COL8A1: variants seen among roughly 807,000 people sequenced by gnomAD.
COL8A1 encodes collagen alpha-1(VIII) chain.
A neutral mutation model predicts 42.7 loss-of-function variants in COL8A1; 21 were observed. The observed-to-expected ratio is 0.49, with a 90% confidence interval of 0.35 to 0.71. The LOEUF (loss-of-function observed/expected upper bound fraction) is 0.71. Ranked by LOEUF, COL8A1 falls within the 30% of genes least tolerant of loss-of-function variation. The probability of loss-of-function intolerance (pLI) is 0.01; values close to 1 mark genes in which losing one functional copy is unlikely to be tolerated. For missense variants in COL8A1, 788 were observed against 962.4 expected, an observed-to-expected ratio of 0.82 and a Z score of 2.40; for synonymous variants, 367 against 369.1, an observed-to-expected ratio of 0.99 and a Z score of 0.06.
At chr3:99,777,166 T>C (rs543011181) in intron 2 of COL8A1, among the ~76,000 whole-genome samples, 19 of 152,166 alleles carry the variant, frequency 1.2e-4, no homozygotes, top group Non-Finnish European at 2.6e-4. Flanking sequence ...ACTCAGCCCC[T>C]ATTCAAGATG....
At chr3:99,639,742 T>A (rs1937468333) in intron 1 of COL8A1, among the ~76,000 whole-genome samples, 1 of 152,226 alleles carries the variant, frequency 6.6e-6, no homozygotes, top group African/African-American at 2.4e-5. Context: ...TTGTGTGGGA[T>A]GAAACTCTCT....
chr3:99,655,136 T>C (rs1937977309), intron 1 of COL8A1, among the ~76,000 whole-genome samples: 1 of 152,164 alleles, frequency 6.6e-6, no homozygotes, highest in South Asian at 2.1e-4. Flanking sequence ...CCTTTTAGTA[T>C]GGAAGAGAGG....
intron 1 of COL8A1, among the ~76,000 whole-genome samples, chr3:99,703,866 A>T (rs1190515162): frequency 6.6e-6 from 1 of 152,156 alleles, no homozygotes; most frequent in East Asian, 1.9e-4. Flanking sequence ...TAATTATTTA[A>T]AACTTATAAA....
intron 2 of COL8A1, among the ~76,000 whole-genome samples, chr3:99,769,265 C>T (rs1941530797): frequency 6.6e-6 from 1 of 152,230 alleles, no homozygotes; most frequent in Admixed American, 6.5e-5. Context: ...TAATAAATGT[C>T]AGTCCTTATC....
At chr3:99,710,740 G>A (rs557246209) in intron 1 of COL8A1, among the ~76,000 whole-genome samples, 25 of 152,160 alleles carry the variant, frequency 1.6e-4, no homozygotes, top group Non-Finnish European at 2.9e-4. Flanking sequence ...AGATGAGACA[G>A]GGTTAGAGAC....
chr3:99,739,857 C>G (rs891412763), intron 1 of COL8A1, among the ~76,000 whole-genome samples: 1 of 152,232 alleles, frequency 6.6e-6, no homozygotes, highest in Non-Finnish European at 1.5e-5. Flanking sequence ...ATTTCTGCAG[C>G]AGGCTTGAAT....
At chr3:99,723,985 C>T (rs1375580659) in intron 1 of COL8A1, among the ~76,000 whole-genome samples, 1 of 152,116 alleles carries the variant, frequency 6.6e-6, no homozygotes, top group Non-Finnish European at 1.5e-5. Context: ...TCTGTTTACC[C>T]CATTGTGTTT....
chr3:99,753,002 C>A (rs1941183959), intron 2 of COL8A1, among the ~76,000 whole-genome samples: 1 of 152,122 alleles, frequency 6.6e-6, no homozygotes, highest in Non-Finnish European at 1.5e-5. Context: ...TTCCCTGGAC[C>A]TCAGTTTTCC....
intron 1 of COL8A1, among the ~76,000 whole-genome samples, chr3:99,674,624 G>GA (rs1349381072): frequency 3.9e-5 from 6 of 151,952 alleles, no homozygotes; most frequent in Non-Finnish European, 8.8e-5. Context: ...TCACCACCTG[G>GA]AAAAAATGCT....
intron 2 of COL8A1, among the ~76,000 whole-genome samples, chr3:99,746,867 G>C (rs559496526): frequency 5.3e-5 from 8 of 152,274 alleles, no homozygotes; most frequent in African/African-American, 1.7e-4. Context: ...ATTTTTAAAT[G>C]AATTTTGATT....
chr3:99,729,108 C>G (rs373115877), intron 1 of COL8A1, among the ~76,000 whole-genome samples: 12 of 151,998 alleles, frequency 7.9e-5, no homozygotes, highest in African/African-American at 2.7e-4. Context: ...ATATTTCCAT[C>G]TATTTCAAAA....
Position 99,701,809 on chromosome 3 carries a change from G to A in COL8A1, c.-128-43088G>A, listed in dbSNP as rs150591063. ...TATTAATATTTCTTAATTGGAGACA[G>A]GGCCAGGACTTCTGATTCACAATCC... is the stretch of plus-strand genomic sequence containing the variant. On this transcript the variant is annotated intron_variant, in intron 1 of 3. Transcript: ENST00000652472. Among the ~76,000 whole-genome samples, 269 of 152,260 alleles carry A rather than the reference G, an allele frequency of 1.8e-3. 2 individuals are homozygous for A. The highest frequency in any genetic ancestry group is 6.3e-3 in the African/African-American group (263 of 41,550).
chr3:99,794,452 A>T lies in COL8A1; in HGVS notation c.551A>T (p.Lys184Ile). Residue 184 changes from lysine to isoleucine, a missense_variant, in exon 4 of 4, where the codon AAA becomes ATA. By Grantham distance (102) the Lys-to-Ile change is moderately radical. Around this residue, in one of 4 missense-constraint regions of COL8A1, gnomAD observed 421 missense variants for 553.1 expected, o/e 0.76. Coordinates refer to ENST00000652472, the MANE Select transcript of COL8A1 (RefSeq NM_020351.4). This position sits in a 1 kb window ranked among gnomAD's most constrained non-coding sequence, Gnocchi z 4.3. The part of the protein sequence containing the change: ...MPGAKGEIGQ[K>I]GEIGPMGIPG... ...GGGGCAAAAGGAGAAATTGGACAGA[A>T]AGGGGAAATTGGGCCTATGGGGATC... 13 of 1,613,950 alleles carry T rather than the reference A, an allele frequency of 8.1e-6. No individual in the cohort carries two copies. The highest frequency in any genetic ancestry group is 9.3e-6 in the Non-Finnish European group (11 of 1,179,940).
At chr3:99,698,731 T>C (rs1576436554) in intron 1 of COL8A1, among the ~76,000 whole-genome samples, 1 of 152,266 alleles carries the variant, frequency 6.6e-6, no homozygotes, top group African/African-American at 2.4e-5. Flanking sequence ...GTGTATGTAC[T>C]GTATGTATAT....
intron 2 of COL8A1, among the ~76,000 whole-genome samples, chr3:99,783,010 A>C (rs971780609): frequency 2.0e-5 from 3 of 152,256 alleles, no homozygotes; most frequent in African/African-American, 7.2e-5. Context: ...GAAACAAAAA[A>C]AAAATTAATT....
intron 2 of COL8A1, among the ~76,000 whole-genome samples, chr3:99,772,344 A>G (rs781680511): frequency 2.0e-5 from 3 of 152,204 alleles, no homozygotes; most frequent in Non-Finnish European, 4.4e-5. Flanking sequence ...GCAGAGCACA[A>G]AGGATTCTTG....
intron 2 of COL8A1, among the ~76,000 whole-genome samples, chr3:99,768,828 T>C (rs1417290690): frequency 6.6e-6 from 1 of 152,144 alleles, no homozygotes; most frequent in Non-Finnish European, 1.5e-5. Context: ...ACCTTCTAAC[T>C]GGGACAATGG....
At chr3:99,728,255 C>T (rs1450083649) in intron 1 of COL8A1, among the ~76,000 whole-genome samples, 1 of 151,998 alleles carries the variant, frequency 6.6e-6, no homozygotes, top group Non-Finnish European at 1.5e-5. Context: ...ATTGTCTCAG[C>T]CCAAAATCTC....
At chr3:99,707,307 A>C (rs1371815662) in intron 1 of COL8A1, 4 of 152,228 alleles carry the variant, frequency 2.6e-5, no homozygotes, top group Non-Finnish European at 4.4e-5. Context: ...GTCTGAGAAA[A>C]GATGCAGTAC....
Sources: allele counts gnomAD v4.1 joint callset (sites outside exome capture counted in the v4.1 genomes callset), GRCh38; gene constraint gnomAD v4.1.1; regional missense constraint gnomAD v4.1.1; non-coding constraint Gnocchi (gnomAD v3.1); transcripts MANE v1.5; gene names NCBI Gene and HGNC (gene_info 2026-07-23, HGNC 2026-07-21).